Variants in ADAMTSL1 observed in about 807,000 individuals in gnomAD.
ADAMTSL1 encodes the protein ADAMTS-like protein 1.
In ADAMTSL1, 126 loss-of-function variants were observed where a neutral mutation model predicts 201.8. The ratio of observed to expected loss-of-function variants is 0.62; its 90% CI spans 0.54 to 0.72. The LOEUF (loss-of-function observed/expected upper bound fraction) is 0.72. ADAMTSL1 is among the 30% of genes least tolerant of loss of function. ADAMTSL1 has a pLI of 0.00. For synonymous variants in ADAMTSL1, 1,121 were observed against 903.4 expected (o/e 1.24, Z -4.32); for missense variants, 2,679 against 2,277.8 (o/e 1.18, Z -3.59).
At chr9:18,656,683 A>T (rs1283013596) in intron 7 of ADAMTSL1, among the ~76,000 whole-genome samples, 1 of 151,788 alleles carries the variant, frequency 6.6e-6, no homozygotes, top group Non-Finnish European at 1.5e-5. Flanking sequence ...ACAAATACTT[A>T]GGGCAAGTGG....
At chr9:18,614,576 T>G (rs114122065) in intron 4 of ADAMTSL1, among the ~76,000 whole-genome samples, 21 of 152,276 alleles carry the variant, frequency 1.4e-4, no homozygotes, top group African/African-American at 5.1e-4. Flanking sequence ...GTAAGCAGGT[T>G]TCCCTCCTGT....
At chr9:18,655,818 A>AT (rs1828612451) in intron 7 of ADAMTSL1, among the ~76,000 whole-genome samples, 3 of 81,788 alleles carry the variant, frequency 3.7e-5, no homozygotes, top group Non-Finnish European at 1.0e-4. Flanking sequence ...AAAAAAAAAA[A>AT]AAAAAAAAAA....
At chr9:17,982,013 C>T (rs545901176) in intron 1 of ADAMTSL1, among the ~76,000 whole-genome samples, 1 of 152,304 alleles carries the variant, frequency 6.6e-6, no homozygotes, top group Admixed American at 6.5e-5. Flanking sequence ...TGGCTTTCCA[C>T]TCAGATGCAC....
chr9:18,469,721 G>A (rs1179987762), upstream of ADAMTSL1, among the ~76,000 whole-genome samples: 2 of 152,224 alleles, frequency 1.3e-5, no homozygotes, highest in East Asian at 3.8e-4. Flanking sequence ...TGGTTAGCAT[G>A]GTTACAAGAA....
intron 3 of ADAMTSL1, among the ~76,000 whole-genome samples, chr9:18,545,373 A>G (rs1167700099): frequency 6.6e-6 from 1 of 152,170 alleles, no homozygotes; most frequent in East Asian, 1.9e-4. Flanking sequence ...CAGGAGCTAT[A>G]TGGGTGATCT....
At chr9:18,167,441 A>C (rs1200873618) in intron 2 of ADAMTSL1, among the ~76,000 whole-genome samples, 1 of 151,966 alleles carries the variant, frequency 6.6e-6, no homozygotes, top group Non-Finnish European at 1.5e-5. Flanking sequence ...TTTCAGAAGG[A>C]GATCTTCAGA....
intron 26 of ADAMTSL1, among the ~76,000 whole-genome samples, chr9:18,894,820 G>T (rs935589354): frequency 6.6e-6 from 1 of 152,060 alleles, no homozygotes; most frequent in Admixed American, 6.6e-5. Context: ...CCAGAGAGAG[G>T]GAAAGGATCA....
intron 1 of ADAMTSL1, among the ~76,000 whole-genome samples, chr9:17,961,635 G>T (rs899686360): frequency 6.6e-5 from 10 of 152,152 alleles, no homozygotes; most frequent in African/African-American, 2.4e-4. Context: ...GTTTTTAAAT[G>T]ATTATATTCA....
intron 2 of ADAMTSL1, among the ~76,000 whole-genome samples, chr9:18,195,717 T>C (rs559570171): frequency 6.6e-6 from 1 of 152,260 alleles, no homozygotes; most frequent in African/African-American, 2.4e-5. Context: ...GCAAATGCCA[T>C]CAGCCATAAG....
chr9:18,053,452 A>G (rs370800618), intron 1 of ADAMTSL1, among the ~76,000 whole-genome samples: 2 of 152,322 alleles, frequency 1.3e-5, no homozygotes. Context: ...TTGGTTCAGT[A>G]TGTTTCACAT....
chr9:18,871,690 T>C (rs1353468061), intron 23 of ADAMTSL1, among the ~76,000 whole-genome samples: 1 of 152,188 alleles, frequency 6.6e-6, no homozygotes, highest in African/African-American at 2.4e-5. Flanking sequence ...CTTACCTATT[T>C]CTGTTCATGG....
intron 7 of ADAMTSL1, among the ~76,000 whole-genome samples, chr9:18,642,162 T>C (rs1470515410): frequency 1.3e-5 from 2 of 152,030 alleles, no homozygotes; most frequent in East Asian, 3.9e-4. Flanking sequence ...GCCATGACTA[T>C]CTGGGTCTTC....
At chr9:18,705,371 TA>T (rs1564165673) in intron 13 of ADAMTSL1, among the ~76,000 whole-genome samples, 1 of 152,212 alleles carries the variant, frequency 6.6e-6, no homozygotes. Flanking sequence ...TTGAAACTAT[TA>T]GTGGTTGCTT....
chr9:18,869,303 T>C (rs1168429058), intron 23 of ADAMTSL1, among the ~76,000 whole-genome samples: 1 of 152,208 alleles, frequency 6.6e-6, no homozygotes, highest in Non-Finnish European at 1.5e-5. Context: ...GCCACCCAGT[T>C]TGTGGTACTT....
At chr9:18,728,432 CAG>C (rs1203368196) in intron 15 of ADAMTSL1, among the ~76,000 whole-genome samples, 10 of 152,112 alleles carry the variant, frequency 6.6e-5, no homozygotes, top group African/African-American at 2.2e-4. Context: ...AATATTAAAG[CAG>C]AGAGTGTTTT....
intron 1 of ADAMTSL1, among the ~76,000 whole-genome samples, chr9:17,930,767 T>A (rs913747439): frequency 1.3e-5 from 2 of 152,048 alleles, no homozygotes; most frequent in African/African-American, 4.8e-5. Flanking sequence ...TATGGTGGAG[T>A]GGGGTTGAGG....
rs569771504 is a variant in ADAMTSL1 at position 18,899,246 on chromosome 9, T to G, written c.4852-6536T>G. The stretch of plus-strand genomic sequence containing the variant: ...CTAGGAATACAGCAAACAAGGGAAG[T>G]GAGGGACCTCTTCAAGGAGATCTAC... On this transcript the variant is annotated intron_variant, in intron 26 of 28. Transcript: ENST00000380548. Among the ~76,000 whole-genome samples, 10 of 151,388 alleles carry G rather than the reference T, an allele frequency of 6.6e-5. No homozygotes were observed. In the South Asian group the frequency reaches 1.5e-3, roughly 22 times the overall value.
At chr9:18,853,921 G>GCGCGCA (rs1826680568) in intron 23 of ADAMTSL1, among the ~76,000 whole-genome samples, 5 of 152,024 alleles carry the variant, frequency 3.3e-5, no homozygotes, top group East Asian at 3.9e-4. Flanking sequence ...GTGTGTGTGC[G>GCGCGCA]CGTGCATGCA....
chr9:18,340,340 T>C lies in ADAMTSL1; in HGVS notation c.208-164489T>C, dbSNP rs1279245038. Among the ~76,000 whole-genome samples, 3 of 152,348 alleles carry C rather than the reference T, an allele frequency of 2.0e-5. No homozygotes were observed. The East Asian group carries it at 5.8e-4, about 29-fold the overall frequency. On this transcript the variant is annotated intron_variant, in intron 2 of 29. Transcript: ENST00000680146. ...CTTTAATTATCATCTATGTACTTAC[T>C]ATTCTTGAATTCATATCTGTAACCC... is the stretch of plus-strand genomic sequence containing the variant.
Sources: gnomAD v4.1 joint callset for allele counts (sites outside exome capture counted in the v4.1 genomes callset) on GRCh38, gnomAD v4.1.1 for gene constraint, MANE v1.5 for transcripts, NCBI Gene and HGNC (gene_info 2026-07-23, HGNC 2026-07-21) for gene names.